Variants in SKIL observed in about 807,000 individuals in gnomAD.
The protein encoded by SKIL is ski-like protein.
A neutral mutation model predicts 69.6 loss-of-function variants in SKIL; 20 were observed. The ratio of observed to expected loss-of-function variants is 0.29; its 90% CI spans 0.20 to 0.42. SKIL has a LOEUF of 0.42. Ranked by LOEUF, SKIL falls within the 10% of genes least tolerant of loss-of-function variation. The pLI is 1.00. For missense variants in SKIL, 745 were observed against 783.1 expected, an observed-to-expected ratio of 0.95 and a Z score of 0.58; for synonymous variants, 310 against 279.9, an observed-to-expected ratio of 1.11 and a Z score of -1.08.
At chr3:170,379,321 C>CT (rs1560215583) in intron 2 of SKIL, among the ~76,000 whole-genome samples, 1 of 152,088 alleles carries the variant, frequency 6.6e-6, no homozygotes, top group African/African-American at 2.4e-5. Flanking sequence ...ATCCAGCTCT[C>CT]TTTTTTGTTT....
At chr3:170,366,113 C>T (rs996912713) in intron 2 of SKIL, among the ~76,000 whole-genome samples, 1 of 147,648 alleles carries the variant, frequency 6.8e-6, no homozygotes, top group South Asian at 2.1e-4. Flanking sequence ...TGTAAAGGAC[C>T]TGATGTTTGG....
Position 170,396,540 on chromosome 3 carries a change from C to A in SKIL, c.*4123C>A, listed in dbSNP as rs1231734669. Reference sequence around the variant, plus strand: ...ACCATAATTAAAGTTAAAATTTTGCCAATGATGTACAGTTTTATGGTTAAA... The same window carrying A: ...ACCATAATTAAAGTTAAAATTTTGCAAATGATGTACAGTTTTATGGTTAAA... On this transcript the variant is annotated 3_prime_UTR_variant, in exon 7 of 7. Coordinates refer to ENST00000259119, the MANE Select transcript of SKIL (RefSeq NM_005414.5). 6.6e-6 allele frequency: 1 copy of A among 152,054 alleles called. No individual in the cohort carries two copies. The highest frequency in any genetic ancestry group is 2.4e-5 in the African/African-American group (1 of 41,384). The allele number at this position is 152,054 out of a possible 1,614,324, so 9.4% of individuals were successfully genotyped here. A position where few individuals can be genotyped will look rare whatever the true frequency, so the allele number is the denominator to read the frequency against.
intron 4 of SKIL, among the ~76,000 whole-genome samples, chr3:170,388,428 T>G (rs1737755723): frequency 6.6e-6 from 1 of 152,162 alleles, no homozygotes. Flanking sequence ...TTTACCATAC[T>G]GTTTTCTTTT....
intron 2 of SKIL, among the ~76,000 whole-genome samples, chr3:170,372,394 C>T (rs554802331): frequency 1.2e-4 from 18 of 152,288 alleles, no homozygotes; most frequent in Non-Finnish European, 2.5e-4. Context: ...TGACTCCTGA[C>T]GATCTGTTTT....
At chr3:170,366,564 C>A (rs1736524018) in intron 2 of SKIL, among the ~76,000 whole-genome samples, 1 of 152,030 alleles carries the variant, frequency 6.6e-6, no homozygotes, top group African/African-American at 2.4e-5. Context: ...CCTGTAATCC[C>A]AGCTACTTGG....
chr3:170,394,114 AATT>A lies in SKIL; in HGVS notation c.*1698_*1700del, dbSNP rs1738066365. On this transcript the variant is annotated 3_prime_UTR_variant, in exon 7 of 7. Coordinates refer to ENST00000259119, the MANE Select transcript of SKIL (RefSeq NM_005414.5). ...AATATTAAAATGACATGTAGAAACAAATTTTTTTTTTTTTTTTTTTTTTTTTTT... is the reference window on the plus strand; with the variant it reads ...AATATTAAAATGACATGTAGAAACAATTTTTTTTTTTTTTTTTTTTTTTTT... The A allele has an allele frequency of 7.6e-6, 1 of 131,666 alleles. No individual in the cohort carries two copies. The highest frequency in any genetic ancestry group is 3.1e-5 in the African/African-American group (1 of 32,372). 8.2% of individuals were successfully genotyped at this position (131,666 alleles called of 1,614,324 possible). A position where few individuals can be genotyped will look rare whatever the true frequency, so the allele number is the denominator to read the frequency against.
chr3:170,390,989 A>T, intron 5 of SKIL, 47 bp from the exon 6 acceptor site: 1 of 1,044,878 alleles, frequency 9.6e-7, no homozygotes, highest in Non-Finnish European at 1.4e-6. Context: ...AAATTTTAAC[A>T]TGGTGAAAAT....
intron 2 of SKIL, among the ~76,000 whole-genome samples, chr3:170,370,109 G>C (rs1306767283): frequency 6.6e-6 from 1 of 151,920 alleles, no homozygotes; most frequent in Non-Finnish European, 1.5e-5. Flanking sequence ...CGCGGTGGCA[G>C]GCGCCTGTAG....
intron 5 of SKIL, 35 bp from the exon 6 acceptor site, chr3:170,391,001 A>C: frequency 8.6e-7 from 1 of 1,165,278 alleles, no homozygotes; most frequent in South Asian, 1.3e-5. Flanking sequence ...GGTGAAAATA[A>C]AGTAAAACTT....
At chr3:170,379,425 C>A (rs976622592) in intron 2 of SKIL, among the ~76,000 whole-genome samples, 1 of 152,092 alleles carries the variant, frequency 6.6e-6, no homozygotes, top group Non-Finnish European at 1.5e-5. Context: ...CTTAACCATG[C>A]CACATTTCAG....
chr3:170,363,701 T>A, intron 2 of SKIL, among the ~76,000 whole-genome samples: 1 of 152,160 alleles, frequency 6.6e-6, no homozygotes, highest in South Asian at 2.1e-4. Flanking sequence ...GCTAGGCTGG[T>A]CTCAAACTCC....
intron 2 of SKIL, among the ~76,000 whole-genome samples, chr3:170,378,499 A>T (rs1239009798): frequency 6.6e-6 from 1 of 151,052 alleles, no homozygotes; most frequent in African/African-American, 2.4e-5. Flanking sequence ...CAGGCAAAAC[A>T]GCTTTGCTAC....
chr3:170,392,514 C>A lies in SKIL; in HGVS notation c.*97C>A. On this transcript the variant is annotated 3_prime_UTR_variant, in exon 7 of 7. Transcript: ENST00000259119. ...AATTCTGAAGAATTTATCTGCATGACGATAACTAGGCATTCTATCCATTTG... is the reference window on the plus strand; with the variant it reads ...AATTCTGAAGAATTTATCTGCATGAAGATAACTAGGCATTCTATCCATTTG... 1 of 672,432 alleles carries A rather than the reference C, an allele frequency of 1.5e-6. No individual in the cohort carries two copies. Among genetic ancestry groups the A allele is most frequent in the Non-Finnish European group, 2.5e-6 (1 of 407,966 alleles). The allele number at this position is 672,432 out of a possible 1,614,324, so 41.7% of individuals were successfully genotyped here.
At chr3:170,380,720 G>A (rs1737300003) in intron 2 of SKIL, among the ~76,000 whole-genome samples, 2 of 152,132 alleles carry the variant, frequency 1.3e-5, no homozygotes, top group African/African-American at 4.8e-5. Flanking sequence ...GGTACTCCAT[G>A]TTAGCATGCA....
intron 3 of SKIL, among the ~76,000 whole-genome samples, chr3:170,383,370 T>A (rs944010843): frequency 6.6e-6 from 1 of 152,238 alleles, no homozygotes; most frequent in Non-Finnish European, 1.5e-5. Flanking sequence ...TATAGATGTC[T>A]TAGTACAAAG....
rs1736149953 is a variant in SKIL, at chr3:170,360,151, AGATTATAAG to A, written c.-178_-170del. 9.3e-6 allele frequency: 5 copies of A among 536,226 alleles called. No homozygotes were observed. Among genetic ancestry groups the A allele is most frequent in the South Asian group, 6.8e-5 (2 of 29,238 alleles). 33.2% of individuals were successfully genotyped at this position (536,226 alleles called of 1,614,324 possible). On this transcript the variant is annotated 5_prime_UTR_variant, in exon 2 of 7. Coordinates refer to ENST00000259119, the MANE Select transcript of SKIL (RefSeq NM_005414.5). ...ATAGGATTTGTAGTGAAATTATACC[AGATTATAAG>A]GAGAACCAAAACTAAGTCGCAAAAT...
intron 1 of SKIL, among the ~76,000 whole-genome samples, chr3:170,359,384 T>A (rs1185476612): frequency 6.6e-6 from 1 of 151,880 alleles, no homozygotes; most frequent in East Asian, 1.9e-4. Flanking sequence ...TCACCTGAGG[T>A]CAGGAGTTCA....
chr3:170,370,246 T>A (rs1302345469), intron 2 of SKIL, among the ~76,000 whole-genome samples: 2 of 151,738 alleles, frequency 1.3e-5, no homozygotes, highest in Non-Finnish European at 2.9e-5. Flanking sequence ...CTCAAAAAAA[T>A]AAAATAAAAT....
chr3:170,386,410 G>A lies in SKIL; in HGVS notation c.1429+1645G>A, dbSNP rs377436446. Among the ~76,000 whole-genome samples the A allele has an allele frequency of 5.9e-5, 9 of 152,274 alleles. No individual in the cohort carries two copies. In the South Asian group the frequency reaches 1.0e-3, roughly 18 times the overall value. ...CTCCCAAAGTGCTGGGATTACAGGCGTGAGCCATCGCGCCCGGCCAGGGGT... is the reference window on the plus strand; with the variant it reads ...CTCCCAAAGTGCTGGGATTACAGGCATGAGCCATCGCGCCCGGCCAGGGGT... On this transcript the variant is annotated intron_variant, in intron 4 of 6. Coordinates refer to ENST00000259119, the MANE Select transcript of SKIL (RefSeq NM_005414.5).
Sources: allele counts gnomAD v4.1 joint callset (sites outside exome capture counted in the v4.1 genomes callset), GRCh38; gene constraint gnomAD v4.1.1; transcripts MANE v1.5; gene names NCBI Gene and HGNC (gene_info 2026-07-23, HGNC 2026-07-21).